The following CADPS2 variants were observed in gnomAD, a reference collection of about 807,000 sequenced individuals.
CADPS2 encodes the protein calcium-dependent secretion activator 2.
CADPS2 carries 93 observed loss-of-function variants against 172.5 expected under a neutral mutation model. The observed-to-expected ratio is 0.54, with a 90% confidence interval of 0.46 to 0.64. The LOEUF is 0.64. Among genes scored for constraint, CADPS2 ranks in the 30% least tolerant of loss-of-function variants. The pLI is 0.00. For missense variants in CADPS2, 1,420 were observed against 1,565.9 expected, an observed-to-expected ratio of 0.91 and a Z score of 1.57; for synonymous variants, 546 against 555.2, an observed-to-expected ratio of 0.98 and a Z score of 0.23.
chr7:122,349,211 C>T (rs2038161602), intron 27 of CADPS2, among the ~76,000 whole-genome samples: 1 of 152,042 alleles, frequency 6.6e-6, no homozygotes, highest in Non-Finnish European at 1.5e-5. Context: ...TAAACTTCAA[C>T]AGCTGTGGAT....
At chr7:122,479,344 T>C (rs1402413768) in intron 12 of CADPS2, among the ~76,000 whole-genome samples, 1 of 152,210 alleles carries the variant, frequency 6.6e-6, no homozygotes, top group East Asian at 1.9e-4. Flanking sequence ...AAAACTCCCA[T>C]ACAGCTTGAA....
At chr7:122,837,768 G>C (rs1227461480) in intron 1 of CADPS2, among the ~76,000 whole-genome samples, 1 of 152,178 alleles carries the variant, frequency 6.6e-6, no homozygotes, top group Non-Finnish European at 1.5e-5. Context: ...AACAGGCTCT[G>C]AAATTGAGGC....
At chr7:122,757,722 T>C (rs748136522) in intron 1 of CADPS2, among the ~76,000 whole-genome samples, 1 of 151,794 alleles carries the variant, frequency 6.6e-6, no homozygotes, top group Non-Finnish European at 1.5e-5. Context: ...AGCTACTAGA[T>C]GCCTGTCGAT....
chr7:122,655,618 T>C (rs1188148779), intron 3 of CADPS2, among the ~76,000 whole-genome samples: 1 of 152,110 alleles, frequency 6.6e-6, no homozygotes, highest in African/African-American at 2.4e-5. Context: ...AAAAAAATTG[T>C]GTGACCTGCT....
chr7:122,568,547 G>A (rs2066771669), intron 7 of CADPS2, among the ~76,000 whole-genome samples: 1 of 152,042 alleles, frequency 6.6e-6, no homozygotes, highest in East Asian at 1.9e-4. Context: ...TCCAGGAATA[G>A]GCTTACAGAT....
intron 19 of CADPS2, among the ~76,000 whole-genome samples, chr7:122,410,920 A>G (rs1372115571): frequency 6.6e-6 from 1 of 152,234 alleles, no homozygotes; most frequent in African/African-American, 2.4e-5. Flanking sequence ...TTGTACAATT[A>G]TCCTTACTTT....
chr7:122,492,647 A>G (rs1438664816), intron 9 of CADPS2, among the ~76,000 whole-genome samples: 4 of 152,158 alleles, frequency 2.6e-5, no homozygotes, highest in African/African-American at 9.7e-5. Context: ...TCTAAATTGC[A>G]AAATATCCTG....
chr7:122,486,661 G>A (rs1321514592), intron 11 of CADPS2, among the ~76,000 whole-genome samples: 1 of 152,146 alleles, frequency 6.6e-6, no homozygotes, highest in African/African-American at 2.4e-5. Flanking sequence ...GTAAAGCAGA[G>A]GTAAAGTTTT....
At chr7:122,391,627 G>A (rs780384029) in intron 22 of CADPS2, among the ~76,000 whole-genome samples, 1 of 152,048 alleles carries the variant, frequency 6.6e-6, no homozygotes, top group Non-Finnish European at 1.5e-5. Flanking sequence ...GCATTTGCCT[G>A]TAAGAAAAAA....
At chr7:122,513,040 C>T (rs1484237967) in intron 9 of CADPS2, among the ~76,000 whole-genome samples, 1 of 152,118 alleles carries the variant, frequency 6.6e-6, no homozygotes, top group African/African-American at 2.4e-5. Flanking sequence ...AACAATGCCA[C>T]TTATTTCACT....
intron 2 of CADPS2, among the ~76,000 whole-genome samples, chr7:122,716,011 C>T (rs2089543806): frequency 1.3e-5 from 2 of 152,024 alleles, no homozygotes; most frequent in Non-Finnish European, 1.5e-5. Flanking sequence ...GAATACATTT[C>T]AAATGTTCTC....
intron 1 of CADPS2, among the ~76,000 whole-genome samples, chr7:122,830,450 GA>G (rs1348190734): frequency 1.3e-5 from 2 of 149,580 alleles, no homozygotes; most frequent in Non-Finnish European, 3.0e-5. Flanking sequence ...GGTCTGCAAA[GA>G]AGTGAAATAC....
At chr7:122,514,234 A>C (rs1413968011) in intron 8 of CADPS2, among the ~76,000 whole-genome samples, 2 of 151,092 alleles carry the variant, frequency 1.3e-5, no homozygotes, top group Admixed American at 6.6e-5. Context: ...AAGACTAAAG[A>C]AAGATTTTTC....
intron 1 of CADPS2, among the ~76,000 whole-genome samples, chr7:122,757,920 A>C (rs2093231444): frequency 6.6e-6 from 1 of 151,908 alleles, no homozygotes; most frequent in African/African-American, 2.4e-5. Flanking sequence ...GGAAAAAAAA[A>C]CTAACATCAA....
intron 14 of CADPS2, among the ~76,000 whole-genome samples, chr7:122,463,012 G>C (rs1366564862): frequency 7.9e-5 from 12 of 152,050 alleles, no homozygotes; most frequent in Admixed American, 7.9e-4. Flanking sequence ...CAGAAATAGA[G>C]AGCAAAAACC....
intron 28 of CADPS2, 42 bp downstream of exon 28, chr7:122,345,532 T>C (rs758008164): frequency 8.5e-7 from 1 of 1,178,924 alleles, no homozygotes; most frequent in Non-Finnish European, 1.3e-6. Flanking sequence ...TCTTTGCAGT[T>C]TATCTATGGT....
At chr7:122,412,239 T>C (rs937916990) in intron 19 of CADPS2, among the ~76,000 whole-genome samples, 3 of 152,176 alleles carry the variant, frequency 2.0e-5, no homozygotes, top group African/African-American at 7.2e-5. Flanking sequence ...CAATGTGTAA[T>C]TGAGGTCATT....
chr7:122,549,417 C>A (rs2063973541), intron 8 of CADPS2, among the ~76,000 whole-genome samples: 1 of 152,024 alleles, frequency 6.6e-6, no homozygotes, highest in Admixed American at 6.6e-5. Flanking sequence ...TTTGTAGTTA[C>A]CATCGCACTC....
At chr7:122,617,770 A>G (rs527943802) in intron 5 of CADPS2, among the ~76,000 whole-genome samples, 18 of 152,318 alleles carry the variant, frequency 1.2e-4, no homozygotes, top group African/African-American at 1.7e-4. Context: ...TAAGCCGGGC[A>G]CAGTGGCTCA....
Sources: gnomAD v4.1 joint callset for allele counts (sites outside exome capture counted in the v4.1 genomes callset) on GRCh38, gnomAD v4.1.1 for gene constraint, MANE v1.5 for transcripts, NCBI Gene and HGNC (gene_info 2026-07-23, HGNC 2026-07-21) for gene names.